AGBL4: variants seen among roughly 807,000 people sequenced by gnomAD.
AGBL4 encodes the protein cytosolic carboxypeptidase 6.
AGBL4 carries 58 observed loss-of-function variants against 66.4 expected under a neutral mutation model. The ratio of observed to expected loss-of-function variants is 0.87; its 90% CI spans 0.71 to 1.09. The LOEUF is 1.09. AGBL4 is among the 50% of genes least tolerant of loss of function. The pLI is 0.00. For missense variants in AGBL4, 579 were observed against 631.0 expected (o/e 0.92, Z 0.88); for synonymous variants, 234 against 222.9 (o/e 1.05, Z -0.44).
intron 3 of AGBL4, among the ~76,000 whole-genome samples, chr1:49,557,830 C>T (rs1352924462): frequency 6.6e-6 from 1 of 151,872 alleles, no homozygotes; most frequent in Non-Finnish European, 1.5e-5. Flanking sequence ...TATCACCCCT[C>T]CCCTAACCCA....
At chr1:49,748,094 C>G (rs533206388) in intron 2 of AGBL4, among the ~76,000 whole-genome samples, 2 of 151,940 alleles carry the variant, frequency 1.3e-5, no homozygotes, top group South Asian at 4.2e-4. Flanking sequence ...CATGTCCCAC[C>G]GTGGTTTGCT....
At chr1:49,218,450 A>C (rs1394428335) in intron 4 of AGBL4, among the ~76,000 whole-genome samples, 2 of 152,186 alleles carry the variant, frequency 1.3e-5, no homozygotes, top group Non-Finnish European at 2.9e-5. Flanking sequence ...TGAATGTAAG[A>C]CTGGAGAAGT....
intron 8 of AGBL4, among the ~76,000 whole-genome samples, chr1:48,635,073 G>A (rs1482964646): frequency 6.6e-6 from 1 of 152,190 alleles, no homozygotes; most frequent in African/African-American, 2.4e-5. Flanking sequence ...TACCTTGAGT[G>A]TGGGCCAAGG....
At chr1:49,948,472 AAT>A (rs1373735952) in intron 1 of AGBL4, among the ~76,000 whole-genome samples, 1 of 124,490 alleles carries the variant, frequency 8.0e-6, no homozygotes, top group African/African-American at 3.0e-5. Context: ...TAAATATATA[AAT>A]ATATAAATAT....
intron 3 of AGBL4, among the ~76,000 whole-genome samples, chr1:49,495,069 C>G (rs897641267): frequency 1.3e-5 from 2 of 151,954 alleles, no homozygotes; most frequent in Non-Finnish European, 2.9e-5. Context: ...TCCTCAATAT[C>G]CACATTCTCA....
intron 4 of AGBL4, among the ~76,000 whole-genome samples, chr1:49,081,734 C>G (rs938295582): frequency 6.6e-6 from 1 of 152,080 alleles, no homozygotes; most frequent in Admixed American, 6.6e-5. Flanking sequence ...TGTGTTTTTC[C>G]AAGTCTTAGC....
At chr1:48,735,468 G>A (rs1161813974) in intron 6 of AGBL4, among the ~76,000 whole-genome samples, 1 of 150,486 alleles carries the variant, frequency 6.6e-6, no homozygotes, top group Non-Finnish European at 1.5e-5. Context: ...AGAGGAAGGA[G>A]GAAAGGAAGG....
chr1:50,001,850 T>C (rs530736206), intron 1 of AGBL4, among the ~76,000 whole-genome samples: 1 of 152,308 alleles, frequency 6.6e-6, no homozygotes, highest in East Asian at 1.9e-4. Flanking sequence ...AATTCTTTAT[T>C]ATCTTCATGA....
intron 3 of AGBL4, among the ~76,000 whole-genome samples, chr1:49,260,405 C>T (rs1366385696): frequency 2.1e-4 from 31 of 151,126 alleles, no homozygotes; most frequent in Admixed American, 6.6e-4. Context: ...ATTGATAGAC[C>T]GCTAGCAAGA....
At chr1:49,890,518 T>C (rs4567321) in intron 1 of AGBL4, among the ~76,000 whole-genome samples, 92,282 of 151,996 alleles carry the variant, frequency 0.61, 28,694 homozygotes, top group Non-Finnish European at 0.67. Flanking sequence ...GTTGGAGAGA[T>C]ACTTAATAAA....
chr1:49,305,966 A>G (rs1359654858), intron 3 of AGBL4, among the ~76,000 whole-genome samples: 2 of 152,220 alleles, frequency 1.3e-5, no homozygotes, highest in Non-Finnish European at 2.9e-5. Context: ...CTGGGATTAT[A>G]GTCGTAAGCC....
chr1:49,520,315 TA>T, intron 3 of AGBL4, among the ~76,000 whole-genome samples: 1 of 152,084 alleles, frequency 6.6e-6, no homozygotes, highest in Non-Finnish European at 1.5e-5. Flanking sequence ...ATCTCAAAAA[TA>T]AAACAAAACA....
intron 3 of AGBL4, among the ~76,000 whole-genome samples, chr1:49,463,310 A>T (rs1189580258): frequency 1.3e-5 from 2 of 151,678 alleles, no homozygotes; most frequent in Non-Finnish European, 2.9e-5. Context: ...TTTTCCAGAG[A>T]CAGTCCTAGT....
At chr1:49,855,162 C>T (rs955551024) in intron 1 of AGBL4, among the ~76,000 whole-genome samples, 6 of 151,996 alleles carry the variant, frequency 3.9e-5, no homozygotes, top group Non-Finnish European at 5.9e-5. Flanking sequence ...AACACAAATA[C>T]AAACAAAAAG....
At chr1:49,038,057 C>T (rs1330071453) in intron 5 of AGBL4, among the ~76,000 whole-genome samples, 1 of 152,036 alleles carries the variant, frequency 6.6e-6, no homozygotes, top group African/African-American at 2.4e-5. Flanking sequence ...AATCTTACTC[C>T]CCAAACTGAT....
At position 48,958,405 on chromosome 1, in the gene AGBL4, G is replaced by T. The variant is rs72895647; in HGVS notation, c.594+87179C>A. Among the ~76,000 whole-genome samples the T allele has an allele frequency of 1.6e-3, 250 of 152,306 alleles. 4 individuals carry two copies. Among genetic ancestry groups the T allele is most frequent in the African/African-American group, 5.8e-3 (243 of 41,564 alleles). ...ACTGAGAAGTATCTGCTTAAGAAGG[G>T]ACTACATTGTCCAGTCCCTATAACA... On this transcript the variant is annotated intron_variant, in intron 5 of 13. Coordinates refer to ENST00000371839, the MANE Select transcript of AGBL4 (RefSeq NM_032785.4).
At chr1:49,479,537 A>C (rs1472922416) in intron 3 of AGBL4, among the ~76,000 whole-genome samples, 1 of 151,760 alleles carries the variant, frequency 6.6e-6, no homozygotes, top group Non-Finnish European at 1.5e-5. Flanking sequence ...GGTCCCACTT[A>C]TAAGTGAGAA....
chr1:49,895,702 C>T (rs1347681734), intron 1 of AGBL4, among the ~76,000 whole-genome samples: 1 of 151,522 alleles, frequency 6.6e-6, no homozygotes, highest in Non-Finnish European at 1.5e-5. Context: ...ATGGCAACCT[C>T]AAATCTAAAA....
intron 3 of AGBL4, among the ~76,000 whole-genome samples, chr1:49,347,025 A>G (rs908117475): frequency 6.6e-5 from 10 of 152,204 alleles, no homozygotes; most frequent in African/African-American, 2.4e-4. Flanking sequence ...GTAAGAACAA[A>G]AGCATTCTTA....
Sources: gnomAD v4.1 joint callset for allele counts (sites outside exome capture counted in the v4.1 genomes callset) on GRCh38, gnomAD v4.1.1 for gene constraint, MANE v1.5 for transcripts, NCBI Gene and HGNC (gene_info 2026-07-23, HGNC 2026-07-21) for gene names.